The following SEPTIN3 variants were observed in gnomAD, a reference collection of about 807,000 sequenced individuals.
SEPTIN3 encodes septin 3.
SEPTIN3 carries 15 observed loss-of-function variants against 45.1 expected under a neutral mutation model. The ratio of observed to expected loss-of-function variants is 0.33; its 90% CI spans 0.22 to 0.51. The LOEUF is 0.51. Among genes scored for constraint, SEPTIN3 ranks in the 20% least tolerant of loss-of-function variants. The pLI is 0.97. For synonymous variants in SEPTIN3, 148 were observed against 164.8 expected (o/e 0.90, Z 0.78); for missense variants, 289 against 457.2 (o/e 0.63, Z 3.35).
At chr22:41,977,146 G>T in intron 2 of SEPTIN3, 1 of 1,495,008 alleles carries the variant, frequency 6.7e-7, no homozygotes. Context: ...GGCTGGAGGC[G>T]CTCCTGGGGG....
At chr22:41,987,144 G>A in intron 4 of SEPTIN3, 62 bp from the exon 5 acceptor site, 1 of 1,371,174 alleles carries the variant, frequency 7.3e-7, no homozygotes, top group Non-Finnish European at 1.0e-6. Context: ...CTAGTAGGCT[G>A]CCAGGTACCT....
At chr22:41,992,375 T>G (rs1052991678) in intron 8 of SEPTIN3, among the ~76,000 whole-genome samples, 2 of 152,158 alleles carry the variant, frequency 1.3e-5, no homozygotes, top group African/African-American at 4.8e-5. Flanking sequence ...GCGAACTCTG[T>G]CTCAAAAAAG....
chr22:41,972,497 C>G lies in SEPTIN3; in HGVS notation c.1005C>G (p.Ala335=), dbSNP rs891572636. 2 of 398,960 alleles carry G rather than the reference C, an allele frequency of 5.0e-6. No individual in the cohort carries two copies. The highest frequency in any genetic ancestry group is 8.8e-6 in the Non-Finnish European group (2 of 226,100). The allele number at this position is 398,960 out of a possible 1,614,324, so 24.7% of individuals were successfully genotyped here. A position where few individuals can be genotyped will look rare whatever the true frequency, so the allele number is the denominator to read the frequency against. The change falls in exon 2 of 12, where the codon GCC becomes GCG. Residue 335 remains alanine, a synonymous_variant. Transcript: ENST00000644076. ...ATAGTIKPGT[A]MNLTTVGTTK... is the part of the protein sequence containing the mutation. ...CAGGCACAATCAAGCCGGGCACAGC[C>G]ATGAATCTGACTACAGTTGGGACAA...
Position 41,997,107 on chromosome 22 carries a change from C to T in SEPTIN3, c.*140C>T. 6.8e-7 allele frequency: 1 copy of T among 1,474,980 alleles called. No homozygotes were observed. The highest frequency in any genetic ancestry group is 9.1e-7 in the Non-Finnish European group (1 of 1,101,198). 91.4% of individuals were successfully genotyped at this position (1,474,980 alleles called of 1,614,324 possible). ...TCAGTAGGTGGGAGGGGCCAGCTGCCTCTTTAGGCCAGTTGCATCCTCCAT... is the reference window on the plus strand; with the variant it reads ...TCAGTAGGTGGGAGGGGCCAGCTGCTTCTTTAGGCCAGTTGCATCCTCCAT... On this transcript the variant is annotated 3_prime_UTR_variant, in exon 12 of 12. Transcript: ENST00000644076.
In SEPTIN3 at chr22:41,996,438, T is replaced by C. The variant is rs547897485; in HGVS notation, c.2506-464T>C. 81 of 987,444 alleles carry C rather than the reference T, an allele frequency of 8.2e-5. No individual in the cohort carries two copies. In the Middle Eastern group the frequency reaches 1.6e-3, roughly 19 times the overall value. The allele number at this position is 987,444 out of a possible 1,614,324, so 61.2% of individuals were successfully genotyped here. Reference sequence around the variant, plus strand: ...GGTCCTCTATGAATCCCAGCACTTATAATCCCAGTCTTTTATCACTCAGGT... The same window carrying C: ...GGTCCTCTATGAATCCCAGCACTTACAATCCCAGTCTTTTATCACTCAGGT... On this transcript the variant is annotated intron_variant, in intron 11 of 11. Coordinates refer to ENST00000644076, the MANE Select transcript of SEPTIN3 (RefSeq NM_001363845.2).
chr22:41,987,567 C>A, intron 5 of SEPTIN3, 55 bp from the exon 6 acceptor site: 1 of 1,573,724 alleles, frequency 6.4e-7, no homozygotes, highest in Admixed American at 1.7e-5. Flanking sequence ...CATGCCTAAG[C>A]TGAGCCCTAG....
rs1056151129 is a variant in SEPTIN3, at chr22:41,997,820, G to A, written c.*853G>A. ...GAGTAATGAATTAGCCTGACCACAG[G>A]TGGTCACTGTAGGCTAATGGAAAAT... On this transcript the variant is annotated 3_prime_UTR_variant, in exon 12 of 12. Transcript: ENST00000644076. The A allele has an allele frequency of 2.6e-5, 4 of 152,640 alleles. No individual in the cohort carries two copies. Among genetic ancestry groups the A allele is most frequent in the African/African-American group, 9.7e-5 (4 of 41,422 alleles). The allele number at this position is 152,640 out of a possible 1,614,324, so 9.5% of individuals were successfully genotyped here. A position where few individuals can be genotyped will look rare whatever the true frequency, so the allele number is the denominator to read the frequency against.
At position 41,989,654 on chromosome 22, in the gene SEPTIN3, C is replaced by T; in HGVS notation, c.2133C>T (p.Thr711=). ...TCATTGCTAAGGCTGACACCATGAC[C>T]CTGGAGGAGAAGTCTGAATTCAAGC... The part of the protein sequence containing the change: ...IPVIAKADTM[T]LEEKSEFKQR... The change falls in exon 7 of 12, where the codon ACC becomes ACT. Residue 711 remains threonine (T), a synonymous_variant. Coordinates refer to ENST00000644076, the MANE Select transcript of SEPTIN3 (RefSeq NM_001363845.2). The T allele has an allele frequency of 6.2e-7, 1 of 1,613,206 alleles. No homozygotes were observed. Among genetic ancestry groups the T allele is most frequent in the South Asian group, 1.1e-5 (1 of 91,034 alleles).
chr22:41,979,626 A>T (rs1363519777), intron 2 of SEPTIN3, among the ~76,000 whole-genome samples: 1 of 152,232 alleles, frequency 6.6e-6, no homozygotes, highest in East Asian at 1.9e-4. Context: ...TCTTGCTGCC[A>T]TGCGGAGCTG....
chr22:41,974,860 G>GAAAAAAAAAAAAAAAAAAAAAAAAAAAA (rs55642127), intron 2 of SEPTIN3, among the ~76,000 whole-genome samples: 1 of 74,290 alleles, frequency 1.3e-5, no homozygotes. Flanking sequence ...GTCTCAAAAA[G>GAAAAAAAAAAAAAAAAAAAAAAAAAAAA]AAAAAAAAAA....
Position 41,994,851 on chromosome 22 carries a change from C to A in SEPTIN3, c.2505+137C>A. The A allele has an allele frequency of 6.3e-7, 1 of 1,583,610 alleles. No individual in the cohort carries two copies. The highest frequency in any genetic ancestry group is 1.2e-5 in the South Asian group (1 of 86,840). ...CCTTCTTCCTCTCAACTCTGTCCCACAGGCCTGTCTGGTATTTGTGGAGCA... is the reference window on the plus strand; with the variant it reads ...CCTTCTTCCTCTCAACTCTGTCCCAAAGGCCTGTCTGGTATTTGTGGAGCA... On this transcript the variant is annotated intron_variant, in intron 11 of 11. Coordinates refer to ENST00000644076, the MANE Select transcript of SEPTIN3 (RefSeq NM_001363845.2). The surrounding 1 kb of genome is among the most constrained non-coding windows in gnomAD (Gnocchi z 4.2).
intron 1 of SEPTIN3, among the ~76,000 whole-genome samples, chr22:41,970,484 A>G (rs539239881): frequency 6.6e-6 from 1 of 152,180 alleles, no homozygotes; most frequent in East Asian, 1.9e-4. Flanking sequence ...TTCCCATCTG[A>G]TCCCTCTGTC....
intron 2 of SEPTIN3, among the ~76,000 whole-genome samples, chr22:41,978,761 C>T (rs1049539075): frequency 3.9e-5 from 6 of 152,096 alleles, no homozygotes; most frequent in South Asian, 2.1e-4. Flanking sequence ...ATGAAATGGC[C>T]TAGATGGGAT....
chr22:41,990,740 T>C (rs972026385), intron 7 of SEPTIN3, among the ~76,000 whole-genome samples: 6 of 68,648 alleles, frequency 8.7e-5, no homozygotes, highest in Non-Finnish European at 1.6e-4. Flanking sequence ...AGTGACACTC[T>C]ATCTCAAAAA....
chr22:41,974,141 C>CA (rs35615355), intron 2 of SEPTIN3, among the ~76,000 whole-genome samples: 45,445 of 125,864 alleles, frequency 0.36, 8,804 homozygotes, highest in South Asian at 0.5. Flanking sequence ...GACCCTGTCT[C>CA]AAAAAAAAAA....
Position 41,987,621 on chromosome 22 carries a change from G to T in SEPTIN3, c.1908-1G>T, listed in dbSNP as rs767374877. 1.2e-6 allele frequency: 2 copies of T among 1,607,862 alleles called. No homozygotes were observed. The highest frequency in any genetic ancestry group is 3.3e-5 in the Admixed American group (2 of 59,916). ...ATCTATCTACTTTCCCTCCCCATCA[G>T]CTGGGAGCCCATTGAGAAGTACATC... is the stretch of plus-strand genomic sequence containing the variant. On this transcript the variant is annotated splice_acceptor_variant, in intron 5 of 11. Coordinates refer to ENST00000644076, the MANE Select transcript of SEPTIN3 (RefSeq NM_001363845.2). LOFTEE classifies it high-confidence loss of function.
Position 41,996,893 on chromosome 22 carries a change from C to T in SEPTIN3, c.2506-9C>T, listed in dbSNP as rs2078451142. 6.2e-7 allele frequency: 1 copy of T among 1,613,796 alleles called. No homozygotes were observed. The highest frequency in any genetic ancestry group is 1.7e-5 in the Admixed American group (1 of 59,980). On this transcript the variant is annotated splice_polypyrimidine_tract_variant and intron_variant, in intron 11 of 11. Coordinates refer to ENST00000644076, the MANE Select transcript of SEPTIN3 (RefSeq NM_001363845.2). Reference sequence around the variant, plus strand: ...TCCACACCCTCAACCGTTCTCAACCCCCCTGCAGGGAGAAGGCCTCCTGGG... The same window carrying T: ...TCCACACCCTCAACCGTTCTCAACCTCCCTGCAGGGAGAAGGCCTCCTGGG...
chr22:41,980,339 T>C (rs2078102307), intron 2 of SEPTIN3, among the ~76,000 whole-genome samples: 1 of 152,118 alleles, frequency 6.6e-6, no homozygotes, highest in Non-Finnish European at 1.5e-5. Context: ...GGTTTCACTA[T>C]GTTGATCAGG....
chr22:41,997,521 A>G lies in SEPTIN3; in HGVS notation c.*554A>G, dbSNP rs2146736533. On this transcript the variant is annotated 3_prime_UTR_variant, in exon 12 of 12. Coordinates refer to ENST00000644076, the MANE Select transcript of SEPTIN3 (RefSeq NM_001363845.2). ...TAGGATCACTTTTTAAAAAATCACC[A>G]CTTGTGGCTGTCCCAGAGTGCGGTT... The G allele has an allele frequency of 6.6e-6, 1 of 152,484 alleles. No homozygotes were observed. The highest frequency in any genetic ancestry group is 2.1e-4 in the South Asian group (1 of 4,844). The allele number at this position is 152,484 out of a possible 1,614,324, so 9.4% of individuals were successfully genotyped here.
Sources: allele counts gnomAD v4.1 joint callset (sites outside exome capture counted in the v4.1 genomes callset), GRCh38; gene constraint gnomAD v4.1.1; non-coding constraint Gnocchi (gnomAD v3.1); transcripts MANE v1.5; gene names NCBI Gene and HGNC (gene_info 2026-07-23, HGNC 2026-07-21).